CDCA7L: variants seen among roughly 807,000 people sequenced by gnomAD.
CDCA7L encodes cell division cycle-associated 7-like protein.
Under a neutral mutation model 57.4 loss-of-function variants are expected in CDCA7L, and 44 were observed. The observed-to-expected ratio is 0.77, with a 90% confidence interval of 0.60 to 0.98. The LOEUF (loss-of-function observed/expected upper bound fraction) is 0.98, where lower values mean the gene tolerates loss of function less well. Among genes scored for constraint, CDCA7L ranks in the 50% least tolerant of loss-of-function variants. The pLI is 0.00. For synonymous variants in CDCA7L, 236 were observed against 202.8 expected, an observed-to-expected ratio of 1.16 and a Z score of -1.39; for missense variants, 644 against 580.6, an observed-to-expected ratio of 1.11 and a Z score of -1.12.
At chr7:21,903,658 A>AGGTT (rs1785024134) in intron 8 of CDCA7L, 1 of 163,856 alleles carries the variant, frequency 6.1e-6, no homozygotes, top group African/African-American at 2.4e-5. Flanking sequence ...GAGCTGAGAG[A>AGGTT]GGTTATACAC....
At chr7:21,920,892 A>G (rs1785629024) in intron 1 of CDCA7L, among the ~76,000 whole-genome samples, 1 of 152,232 alleles carries the variant, frequency 6.6e-6, no homozygotes, top group African/African-American at 2.4e-5. Context: ...TAAGAGGGAC[A>G]GTGTGTCAAT....
chr7:21,923,065 T>C lies in CDCA7L; in HGVS notation c.25-6171A>G, dbSNP rs1015414024. Among the ~76,000 whole-genome samples the C allele has an allele frequency of 1.9e-4, 29 of 152,296 alleles. 1 individual carries two copies. Among genetic ancestry groups the C allele is most frequent in the Admixed American group, 4.6e-4 (7 of 15,306 alleles). On this transcript the variant is annotated intron_variant, in intron 1 of 9. Coordinates refer to ENST00000406877, the MANE Select transcript of CDCA7L (RefSeq NM_018719.5). ...TGGATACAGATTCAGCTTTCCAAGA[T>C]GGAAAGAGTTTTGGAATTTAAATAT... is the stretch of plus-strand genomic sequence containing the variant.
rs1464271553 is a variant in CDCA7L, at chr7:21,906,621, C to T, written c.700G>A (p.Glu234Lys). 3 of 1,613,862 alleles carry T rather than the reference C, an allele frequency of 1.9e-6. No individual in the cohort carries two copies. The highest frequency in any genetic ancestry group is 1.7e-6 in the Non-Finnish European group (2 of 1,180,022). ...NKAMLAQLLA[E>K]LNSMPDFFPV... ...AAGAAATCTGGCATCGAGTTCAATT[C>T]CGCCAATAACTGGGCAAGCTGAAGT... The change falls in exon 5 of 10, where the codon GAA becomes AAA. Residue 234 changes from glutamate to lysine, a missense_variant. By Grantham distance (56) the Glu-to-Lys change is moderately conservative. Transcript: ENST00000406877.
rs1785048311 is a variant in CDCA7L, at chr7:21,904,095, A to C, written c.1197+15T>G. ...CACCAATACAATTTACAACAAATGC[A>C]AACACTGTTCCTACCGGGTCCAGCA... On this transcript the variant is annotated intron_variant, in intron 8 of 9. Transcript: ENST00000406877. 1 of 1,569,982 alleles carries C rather than the reference A, an allele frequency of 6.4e-7. No individual in the cohort carries two copies. The highest frequency in any genetic ancestry group is 1.4e-5 in the African/African-American group (1 of 73,636).
chr7:21,915,819 C>T (rs1485724043), intron 2 of CDCA7L, among the ~76,000 whole-genome samples: 1 of 151,992 alleles, frequency 6.6e-6, no homozygotes, highest in Admixed American at 6.6e-5. Context: ...CACAATGATA[C>T]TCCATCTTGG....
rs1319308700 is a variant in CDCA7L at position 21,906,444 on chromosome 7, C to A, written c.766G>T (p.Val256Leu). Residue 256 changes from valine to leucine, a missense_variant, in exon 6 of 10, where the codon GTG becomes TTG. Coordinates refer to ENST00000406877, the MANE Select transcript of CDCA7L (RefSeq NM_018719.5). ...TGTCCCTCCGAGAAGGCCCGCCTCACTGTCTTCTTCCTCTGAAATCAAGAG... is the reference window on the plus strand; with the variant it reads ...TGTCCCTCCGAGAAGGCCCGCCTCAATGTCTTCTTCCTCTGAAATCAAGAG... ...TPTSASRKKT[V>L]RRAFSEGQIT... 6.2e-7 allele frequency: 1 copy of A among 1,609,818 alleles called. No homozygotes were observed. The highest frequency in any genetic ancestry group is 1.7e-5 in the Admixed American group (1 of 59,370).
chr7:21,916,204 T>G (rs1049403759), intron 2 of CDCA7L, among the ~76,000 whole-genome samples: 1 of 152,176 alleles, frequency 6.6e-6, no homozygotes, highest in Non-Finnish European at 1.5e-5. Context: ...GTAGAGATTT[T>G]GGCCATTCTA....
At chr7:21,917,242 T>C (rs1357878151) in intron 1 of CDCA7L, among the ~76,000 whole-genome samples, 1 of 152,240 alleles carries the variant, frequency 6.6e-6, no homozygotes, top group Non-Finnish European at 1.5e-5. Flanking sequence ...CATCTTTAAA[T>C]GTCATCTACA....
chr7:21,925,870 C>T (rs1396786893), intron 1 of CDCA7L, among the ~76,000 whole-genome samples: 1 of 152,030 alleles, frequency 6.6e-6, no homozygotes. Flanking sequence ...AAGACCCTAT[C>T]TCAAACAATT....
At chr7:21,904,419 C>T (rs896222037) in intron 7 of CDCA7L, among the ~76,000 whole-genome samples, 160 bp from the exon 8 acceptor site, 7 of 152,128 alleles carry the variant, frequency 4.6e-5, no homozygotes, top group Non-Finnish European at 8.8e-5. Flanking sequence ...GTCTCTAGAC[C>T]GGGGTCCCCA....
rs920847047 is a variant in CDCA7L, at chr7:21,902,525, C to A, written c.1335-173G>T. ...TCCGTATACCCTCTGGTGTAGTACGCCCCAAGCATGACTTGCCTCACTCCC... is the reference window on the plus strand; with the variant it reads ...TCCGTATACCCTCTGGTGTAGTACGACCCAAGCATGACTTGCCTCACTCCC... On this transcript the variant is annotated intron_variant, in intron 9 of 9. Coordinates refer to ENST00000406877, the MANE Select transcript of CDCA7L (RefSeq NM_018719.5). The A allele has an allele frequency of 1.1e-5, 7 of 635,994 alleles. No individual in the cohort carries two copies. In the African/African-American group the frequency reaches 1.3e-4, roughly 12 times the overall value. The allele number at this position is 635,994 out of a possible 1,614,324, so 39.4% of individuals were successfully genotyped here.
At chr7:21,926,232 T>TA (rs35351234) in intron 1 of CDCA7L, among the ~76,000 whole-genome samples, 1 of 151,600 alleles carries the variant, frequency 6.6e-6, no homozygotes, top group Non-Finnish European at 1.5e-5. Flanking sequence ...CAGCAGTTAA[T>TA]AAAAAAAATA....
chr7:21,923,933 C>T (rs1785748296), intron 1 of CDCA7L, among the ~76,000 whole-genome samples: 1 of 152,196 alleles, frequency 6.6e-6, no homozygotes, highest in African/African-American at 2.4e-5. Flanking sequence ...CCATTTTGAC[C>T]TTTGTCAGCC....
intron 1 of CDCA7L, among the ~76,000 whole-genome samples, chr7:21,931,839 G>A (rs918732963): frequency 3.3e-5 from 5 of 152,192 alleles, no homozygotes; most frequent in African/African-American, 1.2e-4. Flanking sequence ...GAAATAAAAA[G>A]TATTCAAATA....
chr7:21,902,399 A>AATGGCATTC, intron 9 of CDCA7L, 47 bp from the exon 10 acceptor site: 1 of 1,558,662 alleles, frequency 6.4e-7, no homozygotes, highest in Non-Finnish European at 8.9e-7. Flanking sequence ...CAAATACACA[A>AATGGCATTC]ATGGCATTCT....
At chr7:21,911,561 T>TCA in intron 3 of CDCA7L, 56 bp downstream of exon 3, 7 of 1,543,858 alleles carry the variant, frequency 4.5e-6, no homozygotes, top group Non-Finnish European at 5.2e-6. Flanking sequence ...TAAAACTCTT[T>TCA]CAGAAACAGG....
chr7:21,943,445 G>C (rs1221936914), intron 1 of CDCA7L, among the ~76,000 whole-genome samples: 1 of 152,248 alleles, frequency 6.6e-6, no homozygotes, highest in Non-Finnish European at 1.5e-5. Context: ...ACTGAGCTGA[G>C]CGACATTTGA....
At chr7:21,903,181 G>A (rs902110797) in intron 8 of CDCA7L, 67 bp from the exon 9 acceptor site, 7 of 1,505,284 alleles carry the variant, frequency 4.7e-6, no homozygotes, top group Middle Eastern at 1.7e-4. Context: ...CTGGGATTCG[G>A]ATCCAGAATG....
At position 21,943,984 on chromosome 7, in the gene CDCA7L, G is replaced by T. The variant is rs961570772; in HGVS notation, c.24+1797C>A. Among the ~76,000 whole-genome samples, 3 of 152,166 alleles carry T rather than the reference G, an allele frequency of 2.0e-5. No individual in the cohort carries two copies. The East Asian group carries it at 5.8e-4, about 29-fold the overall frequency. On this transcript the variant is annotated intron_variant, in intron 1 of 9. Transcript: ENST00000406877. ...CAAAGAACTCTCCAGCTTAACAACAGGAGTGACACATTCCAGAAACATTTT... is the reference window on the plus strand; with the variant it reads ...CAAAGAACTCTCCAGCTTAACAACATGAGTGACACATTCCAGAAACATTTT...
Sources: allele counts gnomAD v4.1 joint callset (sites outside exome capture counted in the v4.1 genomes callset), GRCh38; gene constraint gnomAD v4.1.1; transcripts MANE v1.5; gene names NCBI Gene and HGNC (gene_info 2026-07-23, HGNC 2026-07-21).